KRT222: variants seen among roughly 807,000 people sequenced by gnomAD.
The protein encoded by KRT222 is keratin 222, also known as keratin-like protein KRT222.
A neutral mutation model predicts 35.0 loss-of-function variants in KRT222; 23 were observed. The ratio of observed to expected loss-of-function variants is 0.66; its 90% CI spans 0.47 to 0.93. The LOEUF (loss-of-function observed/expected upper bound fraction) is 0.93, where lower values mean the gene tolerates loss of function less well. Ranked by LOEUF, KRT222 falls within the 40% of genes least tolerant of loss-of-function variation. The probability of loss-of-function intolerance (pLI) is 0.00; values close to 1 mark genes in which losing one functional copy is unlikely to be tolerated. For missense variants in KRT222, 339 were observed against 346.3 expected, an observed-to-expected ratio of 0.98 and a Z score of 0.17; for synonymous variants, 108 against 118.8, an observed-to-expected ratio of 0.91 and a Z score of 0.59.
At chr17:40,663,989 A>G (rs8074758) in intron 1 of KRT222, among the ~76,000 whole-genome samples, 72,002 of 151,990 alleles carry the variant, frequency 0.47, 17,625 homozygotes, top group Non-Finnish European at 0.56. Flanking sequence ...ATCATTCTTT[A>G]TGAAGGCTGA....
At chr17:40,658,798 G>A (rs1312360855) in intron 3 of KRT222, among the ~76,000 whole-genome samples, 3 of 152,182 alleles carry the variant, frequency 2.0e-5, no homozygotes, top group African/African-American at 7.2e-5. Flanking sequence ...ATGGAGAATT[G>A]GAGGTTATGT....
Position 40,657,506 on chromosome 17 carries a change from T to C in KRT222, c.524-19A>G. On this transcript the variant is annotated intron_variant, in intron 4 of 5. Transcript: ENST00000394052. ...ATAATGGCTGTGAAAATATCATTTATGATATATTAAATTACAGTATTGAAT... is the reference window on the plus strand; with the variant it reads ...ATAATGGCTGTGAAAATATCATTTACGATATATTAAATTACAGTATTGAAT... 6.4e-7 allele frequency: 1 copy of C among 1,559,290 alleles called. No individual in the cohort carries two copies. Among genetic ancestry groups the C allele is most frequent in the African/African-American group, 1.4e-5 (1 of 73,122 alleles).
At position 40,656,180 on chromosome 17, in the gene KRT222, T is replaced by G; in HGVS notation, c.*222A>C. 2.5e-6 allele frequency: 1 copy of G among 403,580 alleles called. No homozygotes were observed. Among genetic ancestry groups the G allele is most frequent in the African/African-American group, 2.0e-5 (1 of 49,126 alleles). The allele number at this position is 403,580 out of a possible 1,614,324, so 25.0% of individuals were successfully genotyped here. A position where few individuals can be genotyped will look rare whatever the true frequency, so the allele number is the denominator to read the frequency against. ...TGTACTGGATTTGTGATTTTATTTT[T>G]AAGCTACTCCCTCTCATTCATATAT... is the stretch of plus-strand genomic sequence containing the variant. On this transcript the variant is annotated 3_prime_UTR_variant, in exon 6 of 6. Coordinates refer to ENST00000394052, the MANE Select transcript of KRT222 (RefSeq NM_152349.3).
chr17:40,663,492 C>T (rs1411065732), intron 1 of KRT222, among the ~76,000 whole-genome samples: 1 of 152,162 alleles, frequency 6.6e-6, no homozygotes, highest in Non-Finnish European at 1.5e-5. Context: ...CCTGAGGCTA[C>T]GTGAAGTGAG....
intron 2 of KRT222, among the ~76,000 whole-genome samples, chr17:40,660,769 C>G (rs1447255991): frequency 6.6e-6 from 1 of 150,930 alleles, no homozygotes; most frequent in Non-Finnish European, 1.5e-5. Flanking sequence ...AAAAAAAATC[C>G]TCTGCAGTGT....
Position 40,660,054 on chromosome 17 carries a change from T to C in KRT222, c.379A>G (p.Asn127Asp). The C allele has an allele frequency of 1.2e-6, 2 of 1,614,204 alleles. No homozygotes were observed. The highest frequency in any genetic ancestry group is 1.7e-6 in the Non-Finnish European group (2 of 1,180,028). ...KQLQEHEMLL[N>D]TKMRLEQEIA... is the part of the protein sequence containing the mutation. The stretch of plus-strand genomic sequence containing the variant: ...TCTTGTTCCAGCCTCATCTTCGTGT[T>C]GAGAAGCATCTCGTGCTCTTGAAGC... The change falls in exon 3 of 6, where the codon AAC (asparagine) becomes GAC (aspartate). Residue 127 changes from asparagine to aspartate, a missense_variant. Asn to Asp is a conservative substitution (Grantham distance 23). Coordinates refer to ENST00000394052, the MANE Select transcript of KRT222 (RefSeq NM_152349.3).
Position 40,657,396 on chromosome 17 carries a change from A to G in KRT222, c.615T>C (p.Asn205=), listed in dbSNP as rs2037352635. 6.2e-7 allele frequency: 1 copy of G among 1,611,034 alleles called. No homozygotes were observed. Among genetic ancestry groups the G allele is most frequent in the Non-Finnish European group, 8.5e-7 (1 of 1,178,880 alleles). ...VETVTKQAIL[N]GSIVKESTEA... is the part of the protein sequence containing the mutation. ...CAGTGCTCTCCTTAACGATACTCCC[A>G]TTTAAGATTGCCTGTTTGGTTACTG... The change falls in exon 5 of 6, where the codon AAT becomes AAC. Residue 205 remains asparagine (N), a synonymous_variant. Transcript: ENST00000394052.
chr17:40,662,918 C>CA (rs2037392830), intron 1 of KRT222, among the ~76,000 whole-genome samples: 1 of 151,754 alleles, frequency 6.6e-6, no homozygotes, highest in African/African-American at 2.4e-5. Flanking sequence ...TATATTTTAA[C>CA]ATTTAAAAAT....
intron 4 of KRT222, 60 bp from the exon 5 acceptor site, chr17:40,657,547 A>G: frequency 4.0e-6 from 6 of 1,491,102 alleles, no homozygotes; most frequent in Non-Finnish European, 4.5e-6. Context: ...TTCACAAATT[A>G]TATTCAAACT....
At position 40,662,018 on chromosome 17, in the gene KRT222, C is replaced by T. The variant is rs561440194; in HGVS notation, c.123G>A (p.Met41Ile). ...CCTTCAAAGCCTCTTCATCTTTGTC[C>T]ATTTTTTTGCTTATGTCTTCTTCTA... is the stretch of plus-strand genomic sequence containing the variant. ...IQLEEDISKK[M>I]DKDEEALKAA... Residue 41 changes from methionine to isoleucine, a missense_variant, in exon 2 of 6, where the codon ATG becomes ATA. Met to Ile is a conservative substitution (Grantham distance 10). Coordinates refer to ENST00000394052, the MANE Select transcript of KRT222 (RefSeq NM_152349.3). 6.2e-7 allele frequency: 1 copy of T among 1,613,984 alleles called. No homozygotes were observed. The highest frequency in any genetic ancestry group is 1.1e-5 in the South Asian group (1 of 91,064).
Position 40,660,064 on chromosome 17 carries a change from C to A in KRT222, c.369G>T (p.Glu123Asp). The A allele has an allele frequency of 6.2e-7, 1 of 1,614,146 alleles. No homozygotes were observed. Among genetic ancestry groups the A allele is most frequent in the South Asian group, 1.1e-5 (1 of 91,068 alleles). The change falls in exon 3 of 6, where the codon GAG becomes GAT. Residue 123 changes from glutamate (E) to aspartate (D), a missense_variant. Coordinates refer to ENST00000394052, the MANE Select transcript of KRT222 (RefSeq NM_152349.3). ...GCCTCATCTTCGTGTTGAGAAGCAT[C>A]TCGTGCTCTTGAAGCTGCTTTTCGA... is the stretch of plus-strand genomic sequence containing the variant. ...RGIEKQLQEHEMLLNTKMRLE... is the reference protein window; with the variant it reads ...RGIEKQLQEHDMLLNTKMRLE...
chr17:40,665,168 CG>C lies in KRT222; in HGVS notation c.-70del. 2.8e-6 allele frequency: 4 copies of C among 1,442,426 alleles called. No individual in the cohort carries two copies. Among genetic ancestry groups the C allele is most frequent in the Non-Finnish European group, 3.9e-6 (4 of 1,028,870 alleles). 89.4% of individuals were successfully genotyped at this position (1,442,426 alleles called of 1,614,324 possible). On this transcript the variant is annotated 5_prime_UTR_variant, in exon 1 of 6. Transcript: ENST00000394052. ...GGATGAGTCGCTGCGGCAGTCTGCT[CG>C]GTCTGCGCGGAAGGCAGGGAGCCTC...
At chr17:40,664,870 G>A (rs1456336604) in intron 1 of KRT222, 134 bp downstream of exon 1, 2 of 1,465,480 alleles carry the variant, frequency 1.4e-6, no homozygotes, top group African/African-American at 2.8e-5. Flanking sequence ...CACTGCAGTA[G>A]AAGCTAAATT....
intron 1 of KRT222, among the ~76,000 whole-genome samples, chr17:40,662,509 C>A (rs560647694): frequency 6.6e-6 from 1 of 152,010 alleles, no homozygotes; most frequent in Non-Finnish European, 1.5e-5. Flanking sequence ...AGGGATAGGG[C>A]GTAAATACTG....
chr17:40,657,623 T>C, intron 4 of KRT222, 51 bp downstream of exon 4: 1 of 1,528,314 alleles, frequency 6.5e-7, no homozygotes, highest in Middle Eastern at 1.7e-4. Context: ...AAGTAATCCC[T>C]GTAAATAGTA....
chr17:40,662,463 G>A (rs1597758533), intron 1 of KRT222, among the ~76,000 whole-genome samples: 2 of 152,124 alleles, frequency 1.3e-5, no homozygotes, highest in East Asian at 1.9e-4. Context: ...ATAAACAGCC[G>A]TACCCCCAAA....
intron 1 of KRT222, among the ~76,000 whole-genome samples, chr17:40,663,555 G>C (rs2037400041): frequency 6.6e-6 from 1 of 152,216 alleles, no homozygotes; most frequent in Non-Finnish European, 1.5e-5. Flanking sequence ...CAAAGTGCCA[G>C]ACACATAAGT....
intron 1 of KRT222, among the ~76,000 whole-genome samples, chr17:40,664,028 T>C (rs2037403867): frequency 6.6e-6 from 1 of 152,194 alleles, no homozygotes; most frequent in Non-Finnish European, 1.5e-5. Flanking sequence ...AAATTTACAA[T>C]GGAACTAAAA....
intron 2 of KRT222, among the ~76,000 whole-genome samples, chr17:40,661,458 G>A (rs1233581102): frequency 6.6e-6 from 1 of 150,772 alleles, no homozygotes; most frequent in Non-Finnish European, 1.5e-5. Context: ...TAGAGATGGG[G>A]TTTCATCATG....
Sources: allele counts gnomAD v4.1 joint callset (sites outside exome capture counted in the v4.1 genomes callset), GRCh38; gene constraint gnomAD v4.1.1; transcripts MANE v1.5; gene names NCBI Gene and HGNC (gene_info 2026-07-23, HGNC 2026-07-21).